Variants in ANKFY1 observed in about 807,000 individuals in gnomAD.
ANKFY1 encodes the protein ankyrin repeat and FYVE domain-containing protein 1.
Under a neutral mutation model 128.3 loss-of-function variants are expected in ANKFY1, and 47 were observed. That is an observed-to-expected ratio of 0.37 (90% CI 0.29 to 0.47). ANKFY1 has a LOEUF of 0.47. Among genes scored for constraint, ANKFY1 ranks in the 20% least tolerant of loss-of-function variants. The pLI, the probability that ANKFY1 is intolerant of heterozygous loss-of-function variation, is 1.00. For missense variants in ANKFY1, 1,222 were observed against 1,510.6 expected (o/e 0.81, Z 3.17); for synonymous variants, 553 against 601.6 (o/e 0.92, Z 1.18).
At chr17:4,220,425 T>A (rs1036570466) in intron 3 of ANKFY1, among the ~76,000 whole-genome samples, 1 of 152,208 alleles carries the variant, frequency 6.6e-6, no homozygotes, top group Non-Finnish European at 1.5e-5. Context: ...CTCGTTCCTA[T>A]CTGCTGAGAG....
chr17:4,219,908 G>C (rs2060281039), intron 3 of ANKFY1, among the ~76,000 whole-genome samples: 1 of 151,992 alleles, frequency 6.6e-6, no homozygotes, highest in Non-Finnish European at 1.5e-5. Flanking sequence ...TGCAACCTCT[G>C]CCTCCCGGGT....
At chr17:4,214,991 T>A (rs2060196990) in intron 4 of ANKFY1, among the ~76,000 whole-genome samples, 1 of 152,180 alleles carries the variant, frequency 6.6e-6, no homozygotes, top group Non-Finnish European at 1.5e-5. Context: ...ACATTAATTA[T>A]CTCTTTAAAA....
At chr17:4,170,689 G>C (rs537026576) in intron 23 of ANKFY1, 26 bp downstream of exon 23, 1 of 1,592,524 alleles carries the variant, frequency 6.3e-7, no homozygotes, top group Non-Finnish European at 8.6e-7. Flanking sequence ...TGCTTGCACT[G>C]TGAGAGCAGA....
chr17:4,202,795 T>C lies in ANKFY1; in HGVS notation c.898+3526A>G, dbSNP rs115897510. Among the ~76,000 whole-genome samples, 812 of 146,648 alleles carry C rather than the reference T, an allele frequency of 5.5e-3. 8 individuals are homozygous for C. Among genetic ancestry groups the C allele is most frequent in the African/African-American group, 0.019 (776 of 39,860 alleles). ...TATAATACACCAAACATACAGAAGA[T>C]AAACTGGGCAATACTGCACAGGTAT... On this transcript the variant is annotated intron_variant, in intron 7 of 24. Transcript: ENST00000341657.
At chr17:4,231,138 T>C (rs1253478125) in intron 3 of ANKFY1, among the ~76,000 whole-genome samples, 1 of 152,226 alleles carries the variant, frequency 6.6e-6, no homozygotes, top group East Asian at 1.9e-4. Flanking sequence ...TTTTGAGAAA[T>C]GTCCCTCAAT....
At chr17:4,263,854 T>A in intron 1 of ANKFY1, 78 bp downstream of exon 1, 1 of 1,612,508 alleles carries the variant, frequency 6.2e-7, no homozygotes. Context: ...GGCCTTCCCC[T>A]CCCACGGCAG....
At position 4,169,228 on chromosome 17, in the gene ANKFY1, C is replaced by T. The variant is rs2142999065; in HGVS notation, c.3347G>A (p.Arg1116Lys). The T allele has an allele frequency of 6.4e-7, 1 of 1,552,952 alleles. No homozygotes were observed. Among genetic ancestry groups the T allele is most frequent in the South Asian group, 1.2e-5 (1 of 84,138 alleles). Residue 1116 changes from arginine to lysine, a missense_variant, in exon 24 of 25, where the codon AGG becomes AAG. Coordinates refer to ENST00000341657, the MANE Select transcript of ANKFY1 (RefSeq NM_001330063.2). This position sits in a 1 kb window ranked among gnomAD's most constrained non-coding sequence, Gnocchi z 5.0. ...DGSYCYECTARFGVTTRKHHC... is the reference protein window; with the variant it reads ...DGSYCYECTAKFGVTTRKHHC... ...GTGTTTGCGAGTGGTGACTCCGAAC[C>T]TGGCAGTGCACTCATAGCAGTAGGA...
intron 1 of ANKFY1, among the ~76,000 whole-genome samples, chr17:4,243,063 TTTGTTTGTTTGTTTGTTTG>T (rs1170793364): frequency 6.6e-6 from 1 of 150,498 alleles, no homozygotes; most frequent in Non-Finnish European, 1.5e-5. Flanking sequence ...TTTTTTGTTT[TTTGTTTGTTTGTTTGTTTG>T]TTTGAGACAG....
chr17:4,165,281 C>T lies in ANKFY1; in HGVS notation c.*2498G>A, dbSNP rs764232177. The T allele has an allele frequency of 5.3e-5, 8 of 152,222 alleles. No homozygotes were observed. Among genetic ancestry groups the T allele is most frequent in the Non-Finnish European group, 8.8e-5 (6 of 68,040 alleles). 9.4% of individuals were successfully genotyped at this position (152,222 alleles called of 1,614,324 possible). A position where few individuals can be genotyped will look rare whatever the true frequency, so the allele number is the denominator to read the frequency against. On this transcript the variant is annotated 3_prime_UTR_variant, in exon 25 of 25. Coordinates refer to ENST00000341657, the MANE Select transcript of ANKFY1 (RefSeq NM_001330063.2). ...TTCAGCATAACAATGTTGACTGTTGCAGCAAATTATGTTTCAGTAAAGTTT... is the reference window on the plus strand; with the variant it reads ...TTCAGCATAACAATGTTGACTGTTGTAGCAAATTATGTTTCAGTAAAGTTT...
intron 22 of ANKFY1, among the ~76,000 whole-genome samples, chr17:4,172,039 C>T (rs13342803): frequency 0.036 from 5,457 of 152,126 alleles, 317 homozygotes; most frequent in African/African-American, 0.12. Flanking sequence ...CGAGAGTCAC[C>T]GGAAAAGCTA....
intron 1 of ANKFY1, among the ~76,000 whole-genome samples, chr17:4,259,171 G>A (rs1013953125): frequency 3.6e-4 from 55 of 152,314 alleles, no homozygotes; most frequent in African/African-American, 1.3e-3. Flanking sequence ...CCCTTTTAAA[G>A]CTGAGGACAC....
chr17:4,205,170 T>TA (rs2059999495), intron 7 of ANKFY1, among the ~76,000 whole-genome samples: 2 of 152,150 alleles, frequency 1.3e-5, no homozygotes. Flanking sequence ...AAGTAGATTC[T>TA]CTCTTTGATG....
intron 10 of ANKFY1, chr17:4,191,074 G>A (rs948386061): frequency 6.6e-6 from 1 of 152,314 alleles, no homozygotes; most frequent in Non-Finnish European, 1.5e-5. Flanking sequence ...GGAGGCAGAG[G>A]TTGCAGTGAG....
At chr17:4,230,464 G>A (rs192545094) in intron 3 of ANKFY1, among the ~76,000 whole-genome samples, 1 of 152,284 alleles carries the variant, frequency 6.6e-6, no homozygotes, top group East Asian at 1.9e-4. Context: ...AAGTGCTACA[G>A]AGAGGCCATA....
intron 12 of ANKFY1, 53 bp downstream of exon 12, chr17:4,184,765 C>A: frequency 6.4e-7 from 1 of 1,565,968 alleles, no homozygotes; most frequent in Admixed American, 1.7e-5. Flanking sequence ...AACTAAGGAT[C>A]CTAAACTGCT....
At position 4,183,836 on chromosome 17, in the gene ANKFY1, C is replaced by G; in HGVS notation, c.1774G>C (p.Val592Leu). 1 of 1,613,624 alleles carries G rather than the reference C, an allele frequency of 6.2e-7. No homozygotes were observed. The highest frequency in any genetic ancestry group is 8.5e-7 in the Non-Finnish European group (1 of 1,179,480). ...FSLKDSRDQT[V>L]LGLALWTGMH... ...CCAGTCCATAATGCCAGGCCCAGCACAGTCTGGTCTCGGGAATCTTTGAGG... is the reference window on the plus strand; with the variant it reads ...CCAGTCCATAATGCCAGGCCCAGCAGAGTCTGGTCTCGGGAATCTTTGAGG... Residue 592 changes from valine (V) to leucine (L), a missense_variant, in exon 13 of 25, where the codon GTG becomes CTG. Transcript: ENST00000341657.
At chr17:4,190,254 G>A (rs1054497527) in intron 10 of ANKFY1, among the ~76,000 whole-genome samples, 13 of 152,148 alleles carry the variant, frequency 8.5e-5, no homozygotes, top group African/African-American at 2.6e-4. Flanking sequence ...CAGCCCGGCC[G>A]ACATGGTGAA....
In ANKFY1 at chr17:4,204,801, C is replaced by G. The variant is rs558516770; in HGVS notation, c.898+1520G>C. 2.0e-5 allele frequency among the ~76,000 whole-genome samples: 3 copies of G among 152,108 alleles called. No homozygotes were observed. The East Asian group carries it at 5.8e-4, about 29-fold the overall frequency. On this transcript the variant is annotated intron_variant, in intron 7 of 24. Coordinates refer to ENST00000341657, the MANE Select transcript of ANKFY1 (RefSeq NM_001330063.2). ...CATTCCCTACGTGGTGGAGATTTCCCCACTGAATCACACTCAGTGCTAAGC... is the reference window on the plus strand; with the variant it reads ...CATTCCCTACGTGGTGGAGATTTCCGCACTGAATCACACTCAGTGCTAAGC...
chr17:4,263,113 C>T (rs1023540574), intron 1 of ANKFY1, among the ~76,000 whole-genome samples: 2 of 152,216 alleles, frequency 1.3e-5, no homozygotes, highest in Admixed American at 6.5e-5. Flanking sequence ...CAGGTAACTC[C>T]CCGTCTCTGG....
Sources: gnomAD v4.1 joint callset for allele counts (sites outside exome capture counted in the v4.1 genomes callset) on GRCh38, gnomAD v4.1.1 for gene constraint, Gnocchi (gnomAD v3.1) non-coding constraint, MANE v1.5 for transcripts, NCBI Gene and HGNC (gene_info 2026-07-23, HGNC 2026-07-21) for gene names.